Variants in AFAP1 observed in about 807,000 individuals in gnomAD.
AFAP1 encodes actin filament associated protein 1.
A neutral mutation model predicts 93.9 loss-of-function variants in AFAP1; 75 were observed. The observed-to-expected ratio is 0.80, with a 90% confidence interval of 0.66 to 0.97. The LOEUF is 0.97. Ranked by LOEUF, AFAP1 falls within the 50% of genes least tolerant of loss-of-function variation. The probability of loss-of-function intolerance (pLI) is 0.00; values close to 1 mark genes in which losing one functional copy is unlikely to be tolerated. For synonymous variants in AFAP1, 517 were observed against 430.7 expected, an observed-to-expected ratio of 1.20 and a Z score of -2.48; for missense variants, 1,201 against 1,050.8, an observed-to-expected ratio of 1.14 and a Z score of -1.98.
intron 6 of AFAP1, among the ~76,000 whole-genome samples, chr4:7,826,663 G>T (rs1721448184): frequency 6.6e-6 from 1 of 152,248 alleles, no homozygotes; most frequent in African/African-American, 2.4e-5. Context: ...CCAACGACAG[G>T]AAACTCCTGA....
chr4:7,789,929 A>C (rs1004799028), intron 11 of AFAP1, among the ~76,000 whole-genome samples: 1 of 152,244 alleles, frequency 6.6e-6, no homozygotes, highest in African/African-American at 2.4e-5. Flanking sequence ...ATAGGTTTTC[A>C]GGAAAATATG....
At chr4:7,932,574 T>C (rs1019186167) in intron 1 of AFAP1, among the ~76,000 whole-genome samples, 3 of 152,166 alleles carry the variant, frequency 2.0e-5, no homozygotes, top group Non-Finnish European at 1.5e-5. Context: ...AATAGAGGAA[T>C]TACTCTAATG....
At chr4:7,840,554 C>T (rs1387688484) in intron 5 of AFAP1, among the ~76,000 whole-genome samples, 2 of 152,126 alleles carry the variant, frequency 1.3e-5, no homozygotes, top group Non-Finnish European at 2.9e-5. Context: ...CTTCATGATC[C>T]GCCCGCCTCA....
chr4:7,796,607 C>T lies in AFAP1; in HGVS notation c.1267-2781G>A, dbSNP rs573918127. Among the ~76,000 whole-genome samples, 5 of 151,732 alleles carry T rather than the reference C, an allele frequency of 3.3e-5. 1 individual carries two copies. Among genetic ancestry groups the T allele is most frequent in the African/African-American group, 1.2e-4 (5 of 41,334 alleles). ...TACTAAAAAATAAAAAAAAATTAGC[C>T]AGGCATGGTGGCGGGCACCTGTAAT... is the stretch of plus-strand genomic sequence containing the variant. On this transcript the variant is annotated intron_variant, in intron 10 of 17. Transcript: ENST00000420658.
chr4:7,780,643 CTT>C (rs78947393), intron 13 of AFAP1, among the ~76,000 whole-genome samples: 3 of 142,498 alleles, frequency 2.1e-5, no homozygotes, highest in African/African-American at 2.5e-5. Context: ...GAGACTTCAT[CTT>C]TTTTTTTTTT....
chr4:7,828,517 C>A (rs1413646831), intron 6 of AFAP1, among the ~76,000 whole-genome samples: 2 of 152,174 alleles, frequency 1.3e-5, no homozygotes, highest in African/African-American at 4.8e-5. Context: ...AGTTCTTGCC[C>A]CCAGAAACAT....
At chr4:7,792,191 T>C (rs1251306140) in intron 11 of AFAP1, among the ~76,000 whole-genome samples, 1 of 152,176 alleles carries the variant, frequency 6.6e-6, no homozygotes, top group Non-Finnish European at 1.5e-5. Flanking sequence ...ACGCAGCAAG[T>C]GGTGGTCTCT....
intron 1 of AFAP1, among the ~76,000 whole-genome samples, chr4:7,896,001 C>A (rs930398876): frequency 6.6e-6 from 1 of 151,976 alleles, no homozygotes; most frequent in African/African-American, 2.4e-5. Flanking sequence ...GCTGGTATTA[C>A]AGGCATGTGC....
At position 7,773,019 on chromosome 4, in the gene AFAP1, C is replaced by G. The variant is rs963170835; in HGVS notation, c.2063-9G>C. 3.7e-6 allele frequency: 6 copies of G among 1,605,176 alleles called. No individual in the cohort carries two copies. The highest frequency in any genetic ancestry group is 5.1e-6 in the Non-Finnish European group (6 of 1,179,354). ...CGCCTGCGGCTTCCTGCCTGGAATTCCCAGAAACGCCGTTACTCCCGCGGC... is the reference window on the plus strand; with the variant it reads ...CGCCTGCGGCTTCCTGCCTGGAATTGCCAGAAACGCCGTTACTCCCGCGGC... On this transcript the variant is annotated splice_polypyrimidine_tract_variant and intron_variant, in intron 15 of 17. Coordinates refer to ENST00000420658, the MANE Select transcript of AFAP1 (RefSeq NM_001134647.2).
chr4:7,884,025 G>A (rs1718003353), intron 1 of AFAP1, among the ~76,000 whole-genome samples: 2 of 152,174 alleles, frequency 1.3e-5, no homozygotes, highest in African/African-American at 2.4e-5. Flanking sequence ...GGGTCACGGG[G>A]GTGGATCCCT....
chr4:7,856,511 A>G (rs1392335020), intron 3 of AFAP1, among the ~76,000 whole-genome samples: 1 of 152,132 alleles, frequency 6.6e-6, no homozygotes, highest in African/African-American at 2.4e-5. Flanking sequence ...AAGTGCTGGG[A>G]TTACAGGTGT....
chr4:7,860,097 C>T (rs759156051), intron 3 of AFAP1, among the ~76,000 whole-genome samples: 4 of 152,142 alleles, frequency 2.6e-5, no homozygotes, highest in Non-Finnish European at 5.9e-5. Flanking sequence ...GAGCCATGAT[C>T]ATGCATTGCA....
chr4:7,902,722 C>T (rs535965110), intron 1 of AFAP1, among the ~76,000 whole-genome samples: 25 of 152,270 alleles, frequency 1.6e-4, no homozygotes, highest in Middle Eastern at 3.4e-3. Flanking sequence ...CATTCAGAGT[C>T]GGGGAAGATG....
Position 7,871,103 on chromosome 4 carries a change from C to T in AFAP1, c.127+849G>A, listed in dbSNP as rs114064055. Reference sequence around the variant, plus strand: ...TGTGGACTTGCTTCTCAGGTGCTCTCATAAGGCTCTGATGCTCTCCACAGC... The same window carrying T: ...TGTGGACTTGCTTCTCAGGTGCTCTTATAAGGCTCTGATGCTCTCCACAGC... On this transcript the variant is annotated intron_variant, in intron 2 of 17. Coordinates refer to ENST00000420658, the MANE Select transcript of AFAP1 (RefSeq NM_001134647.2). 8.8e-3 allele frequency among the ~76,000 whole-genome samples: 1,333 copies of T among 152,274 alleles called. 27 individuals carry two copies. Among genetic ancestry groups the T allele is most frequent in the African/African-American group, 0.027 (1,142 of 41,552 alleles).
intron 11 of AFAP1, among the ~76,000 whole-genome samples, chr4:7,792,919 C>T (rs923255140): frequency 3.9e-5 from 6 of 152,096 alleles, no homozygotes; most frequent in Non-Finnish European, 5.9e-5. Flanking sequence ...CGGCGAAGGG[C>T]GACTATTGGT....
chr4:7,890,585 G>A (rs1718411077), intron 1 of AFAP1, among the ~76,000 whole-genome samples: 1 of 152,136 alleles, frequency 6.6e-6, no homozygotes, highest in Non-Finnish European at 1.5e-5. Flanking sequence ...CACAGCACTT[G>A]TAACAACACA....
intron 2 of AFAP1, among the ~76,000 whole-genome samples, chr4:7,870,768 C>T (rs1440438512): frequency 3.9e-5 from 6 of 152,176 alleles, no homozygotes; most frequent in Non-Finnish European, 5.9e-5. Flanking sequence ...AAGCCACCCA[C>T]GTTCAAACTG....
intron 16 of AFAP1, among the ~76,000 whole-genome samples, chr4:7,771,420 AATAG>A (rs536412370): frequency 2.2e-4 from 33 of 152,230 alleles, no homozygotes; most frequent in South Asian, 6.2e-4. Flanking sequence ...TTTTATATAT[AATAG>A]ATAAATGTTG....
intron 16 of AFAP1, among the ~76,000 whole-genome samples, chr4:7,771,869 G>C (rs537936894): frequency 6.4e-4 from 98 of 152,162 alleles, no homozygotes; most frequent in Non-Finnish European, 1.2e-3. Flanking sequence ...GGGATGGGGG[G>C]ATGGGAGAGG....
Sources: allele counts gnomAD v4.1 joint callset (sites outside exome capture counted in the v4.1 genomes callset), GRCh38; gene constraint gnomAD v4.1.1; transcripts MANE v1.5; gene names NCBI Gene and HGNC (gene_info 2026-07-23, HGNC 2026-07-21).